TMEM184A: variants seen among roughly 807,000 people sequenced by gnomAD.
The protein encoded by TMEM184A is transmembrane protein 184A, also known as sexually dimorphic, expressed in male gonads 1.
Under a neutral mutation model 39.5 loss-of-function variants are expected in TMEM184A, and 40 were observed. That is an observed-to-expected ratio of 1.01 (90% CI 0.79 to 1.32). The LOEUF is 1.32. TMEM184A is among the 40% of genes most tolerant of loss of function. The probability of loss-of-function intolerance (pLI) is 0.00; values close to 1 mark genes in which losing one functional copy is unlikely to be tolerated. For synonymous variants in TMEM184A, 280 were observed against 252.3 expected, an observed-to-expected ratio of 1.11 and a Z score of -1.04; for missense variants, 603 against 568.8, an observed-to-expected ratio of 1.06 and a Z score of -0.61.
rs908327081 is a variant in TMEM184A at position 1,550,996 on chromosome 7, G to A, written c.220-14C>T. 6.2e-7 allele frequency: 1 copy of A among 1,607,306 alleles called. No homozygotes were observed. Among genetic ancestry groups the A allele is most frequent in the African/African-American group, 1.3e-5 (1 of 74,836 alleles). Reference sequence around the variant, plus strand: ...GTGCAGATAGATCTGGGCGCAGGAGGGGTCGCATGAGAGCCGGGCCCGCCT... The same window carrying A: ...GTGCAGATAGATCTGGGCGCAGGAGAGGTCGCATGAGAGCCGGGCCCGCCT... On this transcript the variant is annotated splice_polypyrimidine_tract_variant and intron_variant, in intron 2 of 8. Transcript: ENST00000297477.
rs552673256 is a variant in TMEM184A at position 1,547,769 on chromosome 7, A to G, written c.985T>C (p.Tyr329His). The G allele has an allele frequency of 6.2e-7, 1 of 1,612,814 alleles. No individual in the cohort carries two copies. The highest frequency in any genetic ancestry group is 2.2e-5 in the East Asian group (1 of 44,848). ...GGTGAATTCTCCTTCTTCTCTGCGT[A>G]CACCTGGCAGGGGAAGGCATAACGC... ...ALRYAFPCQV[Y>H]AEKKENSPAP... Residue 329 changes from tyrosine (Y) to histidine (H), a missense_variant, in exon 8 of 9, where the codon TAC (tyrosine) becomes CAC (histidine). Transcript: ENST00000297477.
Position 1,545,295 on chromosome 7 carries a change from C to T in TMEM184A, c.*1657G>A, listed in dbSNP as rs1583209730. 2.0e-5 allele frequency: 3 copies of T among 152,760 alleles called. No homozygotes were observed. Among genetic ancestry groups the T allele is most frequent in the South Asian group, 2.1e-4 (1 of 4,836 alleles). The allele number at this position is 152,760 out of a possible 1,614,324, so 9.5% of individuals were successfully genotyped here. On this transcript the variant is annotated 3_prime_UTR_variant, in exon 9 of 9. Transcript: ENST00000297477. ...AGCTCAGCCTATCTTATCAGGCAGC[C>T]GGGCTGGGCCCTGCAGACCCACTGG...
rs1562554373 is a variant in TMEM184A, at chr7:1,547,017, A to C, written c.1177T>G (p.Ser393Ala). ...CTCCGGCTCTTCCTGCTCCCGCCGG[A>C]GCCGCCGCTGGGGTGGGTGCCGGGC... ...PRPGTHPSGG[S>A]GGSRKSRSLE... Residue 393 changes from serine (S) to alanine (A), a missense_variant, in exon 9 of 9, where the codon TCC becomes GCC. Transcript: ENST00000297477. 6.3e-7 allele frequency: 1 copy of C among 1,596,948 alleles called. No homozygotes were observed. Among genetic ancestry groups the C allele is most frequent in the South Asian group, 1.1e-5 (1 of 90,620 alleles).
At chr7:1,548,426 T>A (rs1784433675) in intron 7 of TMEM184A, 93 bp downstream of exon 7, 1 of 1,415,740 alleles carries the variant, frequency 7.1e-7, no homozygotes, top group East Asian at 2.3e-5. Context: ...CTGAAGCACG[T>A]GGGGGCTGGG....
At chr7:1,550,451 A>G (rs1337459752) in intron 3 of TMEM184A, 56 bp from the exon 4 acceptor site, 2 of 1,443,332 alleles carry the variant, frequency 1.4e-6, no homozygotes, top group African/African-American at 1.4e-5. Flanking sequence ...CCGGGACCCC[A>G]TGGCGCCCAT....
intron 6 of TMEM184A, 126 bp downstream of exon 6, chr7:1,549,728 C>T (rs1211213691): frequency 2.1e-5 from 17 of 801,344 alleles, no homozygotes; most frequent in Non-Finnish European, 3.1e-5. Flanking sequence ...ATGCCAGGTG[C>T]CCCCGCAGCT....
chr7:1,547,738 G>GT lies in TMEM184A; in HGVS notation c.1012+3dup, dbSNP rs1433788706. 1 of 1,611,010 alleles carries GT rather than the reference G, an allele frequency of 6.2e-7. No individual in the cohort carries two copies. The highest frequency in any genetic ancestry group is 8.5e-7 in the Non-Finnish European group (1 of 1,179,140). On this transcript the variant is annotated splice_donor_region_variant and intron_variant, in intron 8 of 8. Transcript: ENST00000297477. ...GGGTGCCCCAGCTGGAAGGCAGGGT[G>GT]TACCTGGTGAATTCTCCTTCTTCTC...
chr7:1,542,587 G>A lies in TMEM184A; in HGVS notation c.*4365C>T, dbSNP rs962977949. ...CAGGGTGGACGGAGCCGCTGTCACCGCCCAGAGCTGGGCCGGGGAAGCACG... is the reference window on the plus strand; with the variant it reads ...CAGGGTGGACGGAGCCGCTGTCACCACCCAGAGCTGGGCCGGGGAAGCACG... On this transcript the variant is annotated 3_prime_UTR_variant, in exon 9 of 9. Transcript: ENST00000297477. 2.6e-5 allele frequency: 4 copies of A among 152,280 alleles called. No individual in the cohort carries two copies. The highest frequency in any genetic ancestry group is 6.5e-5 in the Admixed American group (1 of 15,292). The allele number at this position is 152,280 out of a possible 1,614,324, so 9.4% of individuals were successfully genotyped here.
At chr7:1,549,977 C>T in intron 5 of TMEM184A, 32 bp from the exon 6 acceptor site, 1 of 1,608,550 alleles carries the variant, frequency 6.2e-7, no homozygotes, top group Non-Finnish European at 8.5e-7. Flanking sequence ...GGGCCTGGGG[C>T]CAGGTCCCCC....
chr7:1,548,964 G>A, intron 6 of TMEM184A: 1 of 614,736 alleles, frequency 1.6e-6, no homozygotes, highest in Non-Finnish European at 3.0e-6. Context: ...CCTGTCCACT[G>A]CTCAGGCAGC....
At position 1,547,724 on chromosome 7, in the gene TMEM184A, C is replaced by T; in HGVS notation, c.1012+18G>A. ...GGGCTGTGCGCTCCGGGTGCCCCAG[C>T]TGGAAGGCAGGGTGTACCTGGTGAA... On this transcript the variant is annotated intron_variant, in intron 8 of 8. Coordinates refer to ENST00000297477, the MANE Select transcript of TMEM184A (RefSeq NM_001097620.2). The T allele has an allele frequency of 3.7e-6, 6 of 1,606,916 alleles. No individual in the cohort carries two copies. Among genetic ancestry groups the T allele is most frequent in the Non-Finnish European group, 5.1e-6 (6 of 1,177,060 alleles).
At position 1,547,024 on chromosome 7, in the gene TMEM184A, G is replaced by A. The variant is rs527992159; in HGVS notation, c.1170C>T (p.Ser390=). 1.0e-5 allele frequency: 16 copies of A among 1,604,242 alleles called. No homozygotes were observed. The highest frequency in any genetic ancestry group is 6.7e-5 in the Admixed American group (4 of 59,860). ...TCTTCCTGCTCCCGCCGGAGCCGCC[G>A]CTGGGGTGGGTGCCGGGCCTGGGCG... ...HEAPRPGTHP[S]GGSGGSRKSR... The change falls in exon 9 of 9, where the codon AGC becomes AGT. Residue 390 remains serine, a synonymous_variant. Transcript: ENST00000297477.
At position 1,543,206 on chromosome 7, in the gene TMEM184A, T is replaced by C. The variant is rs1359153132; in HGVS notation, c.*3746A>G. On this transcript the variant is annotated 3_prime_UTR_variant, in exon 9 of 9. Coordinates refer to ENST00000297477, the MANE Select transcript of TMEM184A (RefSeq NM_001097620.2). Reference sequence around the variant, plus strand: ...GACTGCTGGGCCGTGACCGTGAGGCTGGGACAGCCACGGGGGAGGTGCTGG... The same window carrying C: ...GACTGCTGGGCCGTGACCGTGAGGCCGGGACAGCCACGGGGGAGGTGCTGG... 1 of 152,292 alleles carries C rather than the reference T, an allele frequency of 6.6e-6. No homozygotes were observed. Among genetic ancestry groups the C allele is most frequent in the African/African-American group, 2.4e-5 (1 of 41,408 alleles). The allele number at this position is 152,292 out of a possible 1,614,324, so 9.4% of individuals were successfully genotyped here. A position where few individuals can be genotyped will look rare whatever the true frequency, so the allele number is the denominator to read the frequency against.
chr7:1,551,286 G>A (rs182994132), intron 2 of TMEM184A, among the ~76,000 whole-genome samples: 1 of 101,880 alleles, frequency 9.8e-6, no homozygotes, highest in Non-Finnish European at 2.1e-5. Context: ...GGAGGGTTCG[G>A]GTGAGAGCCA....
intron 2 of TMEM184A, 52 bp from the exon 3 acceptor site, chr7:1,551,034 C>G (rs1200005028): frequency 6.4e-7 from 1 of 1,561,416 alleles, no homozygotes; most frequent in South Asian, 1.2e-5. Flanking sequence ...TACCCCTGGA[C>G]CAGCCCAGGT....
Position 1,546,542 on chromosome 7 carries a change from A to T in TMEM184A, c.*410T>A, listed in dbSNP as rs1784350278. On this transcript the variant is annotated 3_prime_UTR_variant, in exon 9 of 9. Coordinates refer to ENST00000297477, the MANE Select transcript of TMEM184A (RefSeq NM_001097620.2). ...CCAGCGCCCCGGCGCCCCTCCCTCC[A>T]GCTGCCCAGCCTGGGATCCGTCCGC... is the stretch of plus-strand genomic sequence containing the variant. The T allele has an allele frequency of 5.9e-6, 1 of 168,408 alleles. No individual in the cohort carries two copies. Among genetic ancestry groups the T allele is most frequent in the African/African-American group, 2.4e-5 (1 of 42,038 alleles). The allele number at this position is 168,408 out of a possible 1,614,324, so 10.4% of individuals were successfully genotyped here.
Position 1,555,393 on chromosome 7 carries a change from G to A in TMEM184A, c.92C>T (p.Ala31Val). The stretch of plus-strand genomic sequence containing the variant: ...CCCCATGTGGTCCATCTGCGGCCCA[G>A]CTGGCACAGCCGGTGGGGGGCTGGG... ...PQPSPPPAVP[A>V]GPQMDHMGNS... The change falls in exon 2 of 9, where the codon GCT becomes GTT. Residue 31 changes from alanine (A) to valine (V), a missense_variant. Transcript: ENST00000297477. This position sits in a 1 kb window ranked among gnomAD's most constrained non-coding sequence, Gnocchi z 5.2. The A allele has an allele frequency of 6.2e-7, 1 of 1,612,058 alleles. No individual in the cohort carries two copies. The highest frequency in any genetic ancestry group is 8.5e-7 in the Non-Finnish European group (1 of 1,179,700).
At chr7:1,549,118 C>T (rs1784472396) in intron 6 of TMEM184A, 1 of 469,298 alleles carries the variant, frequency 2.1e-6, no homozygotes, top group South Asian at 1.5e-5. Flanking sequence ...GTCGTGTGCA[C>T]ACAGGTGGGG....
At chr7:1,548,406 G>T in intron 7 of TMEM184A, 113 bp downstream of exon 7, 2 of 1,284,330 alleles carry the variant, frequency 1.6e-6, no homozygotes, top group Non-Finnish European at 2.2e-6. Flanking sequence ...CTGTGCTGCA[G>T]CTGGAGAAAC....
Sources: gnomAD v4.1 joint callset for allele counts (sites outside exome capture counted in the v4.1 genomes callset) on GRCh38, gnomAD v4.1.1 for gene constraint, Gnocchi (gnomAD v3.1) non-coding constraint, MANE v1.5 for transcripts, NCBI Gene and HGNC (gene_info 2026-07-23, HGNC 2026-07-21) for gene names.